ZNF251: variants seen among roughly 807,000 people sequenced by gnomAD.
ZNF251 encodes the protein zinc finger protein 251.
A neutral mutation model predicts 13.5 loss-of-function variants in ZNF251; 14 were observed. The observed-to-expected ratio is 1.04, with a 90% confidence interval of 0.69 to 1.63. The LOEUF is 1.63. Among genes scored for constraint, ZNF251 ranks in the 40% most tolerant of loss-of-function variants. ZNF251 has a pLI of 0.00. For synonymous variants in ZNF251, 287 were observed against 295.2 expected, an observed-to-expected ratio of 0.97 and a Z score of 0.28; for missense variants, 764 against 834.9, an observed-to-expected ratio of 0.92 and a Z score of 1.05.
At chr8:144,754,073 G>T in intron 3 of ZNF251, 119 bp downstream of exon 3, 2 of 1,390,420 alleles carry the variant, frequency 1.4e-6, no homozygotes, top group Non-Finnish European at 9.6e-7. Flanking sequence ...GTAGAGATCA[G>T]ACTGATACCC....
chr8:144,723,584 T>G (rs1053531703), intron 4 of ZNF251, among the ~76,000 whole-genome samples: 4 of 152,170 alleles, frequency 2.6e-5, no homozygotes, highest in Non-Finnish European at 5.9e-5. Context: ...GTTATCAAAG[T>G]AGTCAAATCA....
chr8:144,750,285 T>C (rs1211149660), intron 4 of ZNF251, among the ~76,000 whole-genome samples: 1 of 152,218 alleles, frequency 6.6e-6, no homozygotes, highest in African/African-American at 2.4e-5. Context: ...AGGGCTTTCA[T>C]CCTGTTTTCA....
At chr8:144,748,926 G>A (rs944811193) in intron 4 of ZNF251, among the ~76,000 whole-genome samples, 2 of 152,154 alleles carry the variant, frequency 1.3e-5, no homozygotes, top group African/African-American at 4.8e-5. Context: ...AGTGCTTTAG[G>A]AGGCCAAAGC....
rs374154554 is a variant in ZNF251 at position 144,723,329 on chromosome 8, C to G, written c.331G>C (p.Glu111Gln). 6.5e-7 allele frequency: 1 copy of G among 1,541,892 alleles called. No homozygotes were observed. The highest frequency in any genetic ancestry group is 8.7e-7 in the Non-Finnish European group (1 of 1,146,498). The change falls in exon 5 of 5, where the codon GAA becomes CAA. Residue 111 changes from glutamate to glutamine, a missense_variant. By Grantham distance (29) the Glu-to-Gln change is conservative. Transcript: ENST00000292562. ...ELSILNQKFS[E>Q]EVKTPEFVSR... ...ACAAATTCTGGGGTTTTTACTTCTT[C>G]GGAAAATTTTTGGTTTAAAATAGAT...
intron 4 of ZNF251, among the ~76,000 whole-genome samples, chr8:144,746,644 G>T (rs1416214832): frequency 6.6e-6 from 1 of 152,104 alleles, no homozygotes; most frequent in Non-Finnish European, 1.5e-5. Context: ...GAAGGTAATT[G>T]TTGATTTGAC....
intron 4 of ZNF251, among the ~76,000 whole-genome samples, chr8:144,724,815 A>G (rs1188198848): frequency 1.3e-5 from 2 of 152,244 alleles, no homozygotes; most frequent in Non-Finnish European, 2.9e-5. Context: ...TTCTAAAATT[A>G]TATGCACAGC....
At chr8:144,754,649 G>A in intron 2 of ZNF251, 47 bp downstream of exon 2, 1 of 1,579,822 alleles carries the variant, frequency 6.3e-7, no homozygotes, top group Non-Finnish European at 8.6e-7. Context: ...TTCTGACTGG[G>A]ATGGGGATGA....
chr8:144,739,236 C>T (rs182741058), intron 4 of ZNF251, among the ~76,000 whole-genome samples: 312 of 146,852 alleles, frequency 2.1e-3, no homozygotes, highest in Non-Finnish European at 4.0e-3. Flanking sequence ...ACAACCCCAC[C>T]CCCCCAAAAC....
chr8:144,724,249 A>G (rs1437691042), intron 4 of ZNF251, among the ~76,000 whole-genome samples: 3 of 142,768 alleles, frequency 2.1e-5, no homozygotes, highest in South Asian at 2.3e-4. Flanking sequence ...GCAACAGAGC[A>G]AGACTCCGTC....
chr8:144,722,375 C>T lies in ZNF251; in HGVS notation c.1285G>A (p.Gly429Arg). The T allele has an allele frequency of 6.2e-7, 1 of 1,613,998 alleles. No individual in the cohort carries two copies. Among genetic ancestry groups the T allele is most frequent in the South Asian group, 1.1e-5 (1 of 91,066 alleles). Reference sequence around the variant, plus strand: ...TCATTACAAACATAGGGTTTTTCTCCTGTGTGAATCCTTACGTGTTCAGTA... The same window carrying T: ...TCATTACAAACATAGGGTTTTTCTCTTGTGTGAATCCTTACGTGTTCAGTA... ...HLTEHVRIHTGEKPYVCNECG... is the reference protein window; with the variant it reads ...HLTEHVRIHTREKPYVCNECG... Residue 429 changes from glycine (G) to arginine (R), a missense_variant, in exon 5 of 5, where the codon GGA becomes AGA. By Grantham distance (125) the Gly-to-Arg change is moderately radical. Transcript: ENST00000292562. The surrounding 1 kb of genome is among the most constrained non-coding windows in gnomAD (Gnocchi z 4.8).
At chr8:144,725,016 G>T (rs1823477439) in intron 4 of ZNF251, among the ~76,000 whole-genome samples, 2 of 149,946 alleles carry the variant, frequency 1.3e-5, no homozygotes, top group South Asian at 2.1e-4. Context: ...TTTCTTTCTT[G>T]TTTTTTTTTT....
Position 144,721,274 on chromosome 8 carries a change from TG to T in ZNF251, c.*369del, listed in dbSNP as rs1823365467. On this transcript the variant is annotated 3_prime_UTR_variant, in exon 5 of 5. Coordinates refer to ENST00000292562, the MANE Select transcript of ZNF251 (RefSeq NM_138367.2). The stretch of plus-strand genomic sequence containing the variant: ...GCAGGTATATGGGACTGAAAGTGGA[TG>T]TTCTCAGCCACAAGCCTGGGCCTGG... 3.3e-6 allele frequency: 1 copy of T among 303,552 alleles called. No homozygotes were observed. The highest frequency in any genetic ancestry group is 6.0e-6 in the Non-Finnish European group (1 of 166,570). The allele number at this position is 303,552 out of a possible 1,614,324, so 18.8% of individuals were successfully genotyped here.
intron 4 of ZNF251, among the ~76,000 whole-genome samples, chr8:144,747,053 CATTAT>C (rs1340546600): frequency 1.3e-5 from 2 of 152,126 alleles, no homozygotes; most frequent in Non-Finnish European, 2.9e-5. Context: ...TGAAAGCTTA[CATTAT>C]GATTTTAGAT....
At chr8:144,743,420 A>T (rs944958837) in intron 4 of ZNF251, among the ~76,000 whole-genome samples, 5 of 152,098 alleles carry the variant, frequency 3.3e-5, no homozygotes, top group African/African-American at 9.7e-5. Flanking sequence ...CCACTGGTTT[A>T]TTTACCCGCT....
chr8:144,738,313 A>G (rs1387303421), intron 4 of ZNF251, among the ~76,000 whole-genome samples: 2 of 152,204 alleles, frequency 1.3e-5, no homozygotes, highest in East Asian at 1.9e-4. Context: ...TATGCCCCGT[A>G]GAAAGGCAAA....
intron 4 of ZNF251, among the ~76,000 whole-genome samples, chr8:144,752,934 G>A (rs1824762985): frequency 6.6e-6 from 1 of 152,030 alleles, no homozygotes. Context: ...ACTTACAGCT[G>A]ACATATCAAG....
chr8:144,753,617 C>G, intron 4 of ZNF251, 66 bp downstream of exon 4: 1 of 1,348,306 alleles, frequency 7.4e-7, no homozygotes, highest in Non-Finnish European at 1.0e-6. Context: ...AGCTGTCCCT[C>G]GCTTGGAGCC....
At chr8:144,733,290 T>C (rs952513457) in intron 4 of ZNF251, among the ~76,000 whole-genome samples, 5 of 152,124 alleles carry the variant, frequency 3.3e-5, no homozygotes, top group Admixed American at 6.5e-5. Context: ...CCTGTAATCC[T>C]AGCACTTTGA....
intron 4 of ZNF251, among the ~76,000 whole-genome samples, chr8:144,743,851 T>C (rs1413194058): frequency 1.3e-5 from 2 of 152,206 alleles, no homozygotes; most frequent in African/African-American, 2.4e-5. Context: ...GGGTATCTCC[T>C]TCCATTCGGA....
Sources: gnomAD v4.1 joint callset for allele counts (sites outside exome capture counted in the v4.1 genomes callset) on GRCh38, gnomAD v4.1.1 for gene constraint, Gnocchi (gnomAD v3.1) non-coding constraint, MANE v1.5 for transcripts, NCBI Gene and HGNC (gene_info 2026-07-23, HGNC 2026-07-21) for gene names.